The following FYB2 variants were observed in gnomAD, a reference collection of about 807,000 sequenced individuals.
The protein encoded by FYB2 is FYN-binding protein 2.
FYB2 carries 103 observed loss-of-function variants against 94.1 expected under a neutral mutation model. The observed-to-expected ratio is 1.09, with a 90% CI of 0.93 to 1.29. The LOEUF (loss-of-function observed/expected upper bound fraction) is 1.29. FYB2 is among the 50% of genes most tolerant of loss of function. The pLI is 0.00. For synonymous variants in FYB2, 293 were observed against 287.9 expected (o/e 1.02, Z -0.18); for missense variants, 896 against 841.5 (o/e 1.06, Z -0.80).
intron 15 of FYB2, among the ~76,000 whole-genome samples, chr1:56,734,637 G>C (rs1319366770): frequency 6.6e-6 from 1 of 151,932 alleles, no homozygotes; most frequent in African/African-American, 2.4e-5. Flanking sequence ...CACAGGGTGG[G>C]GAACATCACA....
chr1:56,804,842 C>T (rs1028925517), intron 1 of FYB2, among the ~76,000 whole-genome samples: 1 of 152,172 alleles, frequency 6.6e-6, no homozygotes, highest in African/African-American at 2.4e-5. Context: ...GTAAATCATA[C>T]ATTCCTTAGC....
intron 4 of FYB2, among the ~76,000 whole-genome samples, chr1:56,774,489 T>C (rs773562960): frequency 4.6e-5 from 7 of 152,286 alleles, no homozygotes; most frequent in Admixed American, 1.3e-4. Flanking sequence ...TCACCACTAG[T>C]TCTCCTGCTT....
chr1:56,804,422 T>C (rs1273639895), intron 1 of FYB2, among the ~76,000 whole-genome samples: 1 of 152,172 alleles, frequency 6.6e-6, no homozygotes, highest in African/African-American at 2.4e-5. Context: ...ATGCCAATGA[T>C]GCATCTAAAG....
intron 13 of FYB2, 22 bp downstream of exon 13, chr1:56,740,675 G>A (rs1335226575): frequency 7.0e-7 from 1 of 1,429,530 alleles, no homozygotes; most frequent in African/African-American, 1.4e-5. Flanking sequence ...CTCGTGGAAA[G>A]GGATTTAAAG....
chr1:56,815,766 G>A lies in FYB2; in HGVS notation c.9+3516C>T, dbSNP rs1028293857. Among the ~76,000 whole-genome samples, 9 of 152,262 alleles carry A rather than the reference G, an allele frequency of 5.9e-5. No individual in the cohort carries two copies. In the East Asian group the frequency reaches 9.7e-4, roughly 16 times the overall value. ...TTATAAGAGGCAAAAGTAAACTTAA[G>A]TATACTTCAACTACAACTCCAATGC... is the stretch of plus-strand genomic sequence containing the variant. On this transcript the variant is annotated intron_variant, in intron 1 of 19. Transcript: ENST00000343433.
chr1:56,815,480 T>C (rs558794395), intron 1 of FYB2, among the ~76,000 whole-genome samples: 1 of 152,288 alleles, frequency 6.6e-6, no homozygotes, highest in African/African-American at 2.4e-5. Context: ...GATAGGGCCC[T>C]TCTCAGAAAT....
chr1:56,743,490 G>A (rs1361930073), intron 11 of FYB2, among the ~76,000 whole-genome samples: 1 of 151,986 alleles, frequency 6.6e-6, no homozygotes, highest in African/African-American at 2.4e-5. Context: ...GTGAAACAAA[G>A]GTACCCAGGG....
At chr1:56,723,548 T>TGTTAATATTGCTAATTTTTA (rs1557579047) in intron 17 of FYB2, 40 bp downstream of exon 17, 1 of 1,202,770 alleles carries the variant, frequency 8.3e-7, no homozygotes, top group South Asian at 1.4e-5. Flanking sequence ...AGCTCCTAGC[T>TGTTAATATTGCTAATTTTTA]GTTAATATTG....
At chr1:56,772,530 G>A (rs930495347) in intron 4 of FYB2, among the ~76,000 whole-genome samples, 4 of 152,094 alleles carry the variant, frequency 2.6e-5, no homozygotes, top group Non-Finnish European at 5.9e-5. Flanking sequence ...TTGGAGGGAC[G>A]AAATAACTCT....
intron 4 of FYB2, among the ~76,000 whole-genome samples, chr1:56,773,770 T>C: frequency 6.6e-6 from 1 of 152,144 alleles, no homozygotes; most frequent in East Asian, 1.9e-4. Context: ...GAAAACACAG[T>C]TTCTTCCACT....
At chr1:56,750,370 C>T (rs897613295) in intron 9 of FYB2, among the ~76,000 whole-genome samples, 3 of 151,872 alleles carry the variant, frequency 2.0e-5, no homozygotes, top group African/African-American at 7.3e-5. Flanking sequence ...TGACTGTGGC[C>T]GTTCTGTTGC....
chr1:56,721,122 C>T (rs1396428057), intron 17 of FYB2, among the ~76,000 whole-genome samples: 3 of 152,010 alleles, frequency 2.0e-5, no homozygotes, highest in African/African-American at 7.2e-5. Context: ...TTAGAAACTC[C>T]TGAGAAATTC....
intron 1 of FYB2, among the ~76,000 whole-genome samples, chr1:56,802,331 G>A (rs773663847): frequency 1.7e-4 from 26 of 152,236 alleles, no homozygotes; most frequent in African/African-American, 4.6e-4. Context: ...GGAGCAATTC[G>A]AAACACTTCA....
intron 6 of FYB2, among the ~76,000 whole-genome samples, chr1:56,757,687 C>CTTCCTTCCTTCT (rs1293394860): frequency 8.5e-4 from 61 of 71,948 alleles, no homozygotes; most frequent in African/African-American, 3.5e-3. Flanking sequence ...TCCTTCCTTC[C>CTTCCTTCCTTCT]TTCTTTCTTT....
intron 8 of FYB2, 56 bp downstream of exon 8, chr1:56,753,783 C>G: frequency 3.3e-6 from 4 of 1,226,938 alleles, no homozygotes; most frequent in Non-Finnish European, 4.8e-6. Context: ...ATAAAGTCAC[C>G]CCCATGAACT....
At chr1:56,769,048 A>G (rs967843650) in intron 4 of FYB2, among the ~76,000 whole-genome samples, 2 of 152,110 alleles carry the variant, frequency 1.3e-5, no homozygotes, top group African/African-American at 4.8e-5. Context: ...TTATTATTAT[A>G]TATTTTTTGA....
chr1:56,789,280 T>A, intron 2 of FYB2, 146 bp from the exon 3 acceptor site: 1 of 897,434 alleles, frequency 1.1e-6, no homozygotes. Context: ...TACATAAACC[T>A]GATCAGTTGC....
intron 15 of FYB2, among the ~76,000 whole-genome samples, chr1:56,729,171 G>T (rs1644648694): frequency 6.6e-6 from 1 of 152,154 alleles, no homozygotes; most frequent in Admixed American, 6.6e-5. Context: ...CCACCAAACA[G>T]TTTTCAGCTG....
In FYB2 at chr1:56,819,306, CAG is replaced by C. The variant is rs770204239; in HGVS notation, c.-18_-17del. The C allele has an allele frequency of 6.8e-6, 11 of 1,614,084 alleles. No homozygotes were observed. Among genetic ancestry groups the C allele is most frequent in the East Asian group, 2.2e-5 (1 of 44,896 alleles). On this transcript the variant is annotated 5_prime_UTR_variant, in exon 1 of 20. Coordinates refer to ENST00000343433, the MANE Select transcript of FYB2 (RefSeq NM_001004303.5). Reference sequence around the variant, plus strand: ...CCCCTTCCATTGCTTTCCTCCAAGGCAGAGTCAGGGAAACAAGCCCAGCCTCT... The same window carrying C: ...CCCCTTCCATTGCTTTCCTCCAAGGCAGTCAGGGAAACAAGCCCAGCCTCT...
Sources: allele counts gnomAD v4.1 joint callset (sites outside exome capture counted in the v4.1 genomes callset), GRCh38; gene constraint gnomAD v4.1.1; transcripts MANE v1.5; gene names NCBI Gene and HGNC (gene_info 2026-07-23, HGNC 2026-07-21).